The following COL25A1 variants were observed in gnomAD, a reference collection of about 807,000 sequenced individuals.
The protein encoded by COL25A1 is collagen type XXV alpha 1 chain.
Under a neutral mutation model 128.4 loss-of-function variants are expected in COL25A1, and 103 were observed. The observed-to-expected ratio is 0.80, with a 90% CI of 0.68 to 0.94. The LOEUF (loss-of-function observed/expected upper bound fraction) is 0.94. Among genes scored for constraint, COL25A1 ranks in the 40% least tolerant of loss-of-function variants. The probability of loss-of-function intolerance (pLI) is 0.00; values close to 1 mark genes in which losing one functional copy is unlikely to be tolerated. For missense variants in COL25A1, 745 were observed against 840.0 expected (o/e 0.89, Z 1.40); for synonymous variants, 279 against 277.2 (o/e 1.01, Z -0.06).
chr4:108,817,489 T>C lies in COL25A1; in HGVS notation c.1924-54A>G, dbSNP rs906621518. The C allele has an allele frequency of 2.6e-6, 4 of 1,530,762 alleles. No individual in the cohort carries two copies. In the Admixed American group the frequency reaches 5.2e-5, roughly 20 times the overall value. 94.8% of individuals were successfully genotyped at this position (1,530,762 alleles called of 1,614,324 possible). A position where few individuals can be genotyped will look rare whatever the true frequency, so the allele number is the denominator to read the frequency against. On this transcript the variant is annotated intron_variant, in intron 36 of 37. Coordinates refer to ENST00000399132, the MANE Select transcript of COL25A1 (RefSeq NM_198721.4). Reference sequence around the variant, plus strand: ...TCAGGTTCCATAAGAGTGATTAAACTTCATAATTCACATGCTCAGAGGCTT... The same window carrying C: ...TCAGGTTCCATAAGAGTGATTAAACCTCATAATTCACATGCTCAGAGGCTT...
chr4:109,178,704 G>A (rs753409082), intron 3 of COL25A1, among the ~76,000 whole-genome samples: 3 of 151,652 alleles, frequency 2.0e-5, no homozygotes, highest in Non-Finnish European at 2.9e-5. Flanking sequence ...GTGTGGTGGC[G>A]GGCGCCTGTA....
At chr4:109,250,377 C>CACACACACACACACACACACAG (rs1175111704) in intron 3 of COL25A1, among the ~76,000 whole-genome samples, 11 of 151,468 alleles carry the variant, frequency 7.3e-5, no homozygotes, top group African/African-American at 2.2e-4. Flanking sequence ...GATACACACA[C>CACACACACACACACACACACAG]ACACACACAC....
chr4:109,106,244 G>A (rs1766416649), intron 3 of COL25A1, among the ~76,000 whole-genome samples: 1 of 152,104 alleles, frequency 6.6e-6, no homozygotes, highest in African/African-American at 2.4e-5. Flanking sequence ...TATGACACCA[G>A]CCACAAGCAC....
intron 5 of COL25A1, among the ~76,000 whole-genome samples, chr4:109,036,778 C>G (rs773419890): frequency 1.3e-5 from 2 of 152,110 alleles, no homozygotes; most frequent in Non-Finnish European, 2.9e-5. Context: ...CAGTCATTAC[C>G]ACAGAAGGGT....
At chr4:109,204,031 TAC>T (rs1429082787) in intron 3 of COL25A1, among the ~76,000 whole-genome samples, 1 of 152,124 alleles carries the variant, frequency 6.6e-6, no homozygotes, top group African/African-American at 2.4e-5. Context: ...AAACTTATAA[TAC>T]ACACTTTTTA....
At chr4:109,197,503 T>TTA (rs1483903908) in intron 3 of COL25A1, among the ~76,000 whole-genome samples, 5 of 127,378 alleles carry the variant, frequency 3.9e-5, no homozygotes, top group Admixed American at 9.3e-5. Flanking sequence ...TAAATATATA[T>TTA]TATATAATAT....
At chr4:108,982,280 G>A (rs1472258788) in intron 6 of COL25A1, among the ~76,000 whole-genome samples, 1 of 152,132 alleles carries the variant, frequency 6.6e-6, no homozygotes, top group Admixed American at 6.6e-5. Context: ...ATGTCCTGGG[G>A]GGACGGTGGA....
chr4:108,945,399 A>G (rs1161845714), intron 8 of COL25A1, among the ~76,000 whole-genome samples: 1 of 152,200 alleles, frequency 6.6e-6, no homozygotes, highest in Non-Finnish European at 1.5e-5. Flanking sequence ...TTGACACCTT[A>G]TGGCTTTGTG....
chr4:108,834,397 G>A, intron 31 of COL25A1: 2 of 1,550,546 alleles, frequency 1.3e-6, no homozygotes, highest in South Asian at 1.2e-5. Flanking sequence ...CTCCCTGTGT[G>A]ATTTGGTTGG....
intron 3 of COL25A1, among the ~76,000 whole-genome samples, chr4:109,089,368 T>C (rs1560671373): frequency 6.6e-6 from 1 of 152,218 alleles, no homozygotes; most frequent in Non-Finnish European, 1.5e-5. Flanking sequence ...GAAGAAGGCA[T>C]ATAGCAGCTC....
chr4:109,089,065 C>T (rs1248514683), intron 3 of COL25A1, among the ~76,000 whole-genome samples: 1 of 152,172 alleles, frequency 6.6e-6, no homozygotes, highest in Non-Finnish European at 1.5e-5. Context: ...CCATGACCAG[C>T]ACCTGAAGAG....
chr4:109,300,839 T>C (rs939487905), intron 2 of COL25A1, among the ~76,000 whole-genome samples, 187 bp from the exon 3 acceptor site: 5 of 152,214 alleles, frequency 3.3e-5, no homozygotes, highest in African/African-American at 1.2e-4. Context: ...AAATGACCAC[T>C]GATAGGGTAT....
intron 3 of COL25A1, among the ~76,000 whole-genome samples, chr4:109,174,549 G>A (rs760090553): frequency 1.3e-5 from 2 of 152,092 alleles, no homozygotes; most frequent in African/African-American, 2.4e-5. Context: ...CATTGACATT[G>A]CTCCTGGGTG....
At chr4:109,257,332 T>G (rs1324195423) in intron 3 of COL25A1, among the ~76,000 whole-genome samples, 1 of 152,214 alleles carries the variant, frequency 6.6e-6, no homozygotes, top group Non-Finnish European at 1.5e-5. Context: ...TCTTATATTT[T>G]TAGAGTATTA....
chr4:109,050,083 C>G, intron 4 of COL25A1, 52 bp downstream of exon 4: 2 of 1,477,994 alleles, frequency 1.4e-6, no homozygotes, highest in South Asian at 2.4e-5. Context: ...GAACAGATGC[C>G]GGAACTTAAC....
chr4:109,229,660 C>T (rs1404234686), intron 3 of COL25A1, among the ~76,000 whole-genome samples: 1 of 152,106 alleles, frequency 6.6e-6, no homozygotes, highest in Non-Finnish European at 1.5e-5. Flanking sequence ...TAAATAAATT[C>T]TGAAAATGAC....
At chr4:108,826,854 G>A (rs1732448819) in intron 33 of COL25A1, among the ~76,000 whole-genome samples, 1 of 123,770 alleles carries the variant, frequency 8.1e-6, no homozygotes, top group South Asian at 2.9e-4. Flanking sequence ...TCTTCTGACA[G>A]TTAGGATCCT....
At chr4:108,823,353 A>T (rs1278233301) in intron 35 of COL25A1, among the ~76,000 whole-genome samples, 1 of 152,094 alleles carries the variant, frequency 6.6e-6, no homozygotes, top group Non-Finnish European at 1.5e-5. Context: ...CAAGCAAAAT[A>T]CTGAGAAAGG....
chr4:109,130,749 A>G (rs2126067985), intron 3 of COL25A1, among the ~76,000 whole-genome samples: 1 of 152,330 alleles, frequency 6.6e-6, no homozygotes, highest in South Asian at 2.1e-4. Flanking sequence ...AGAGGGACCT[A>G]AAAAACTAAT....
Sources: gnomAD v4.1 joint callset for allele counts (sites outside exome capture counted in the v4.1 genomes callset) on GRCh38, gnomAD v4.1.1 for gene constraint, MANE v1.5 for transcripts, NCBI Gene and HGNC (gene_info 2026-07-23, HGNC 2026-07-21) for gene names.